The following GMDS variants were observed in gnomAD, a reference collection of about 807,000 sequenced individuals.
The protein encoded by GMDS is GDP-mannose 4,6 dehydratase.
GMDS carries 20 observed loss-of-function variants against 49.9 expected under a neutral mutation model. The ratio of observed to expected loss-of-function variants is 0.40; its 90% CI spans 0.28 to 0.58. The LOEUF (loss-of-function observed/expected upper bound fraction) is 0.58. Ranked by LOEUF, GMDS falls within the 20% of genes least tolerant of loss-of-function variation. The pLI, the probability that GMDS is intolerant of heterozygous loss-of-function variation, is 0.42. For missense variants in GMDS, 362 were observed against 481.4 expected (o/e 0.75, Z 2.32); for synonymous variants, 177 against 178.6 (o/e 0.99, Z 0.07).
chr6:1,802,274 G>A (rs923417710), intron 7 of GMDS, among the ~76,000 whole-genome samples: 1 of 152,080 alleles, frequency 6.6e-6, no homozygotes, highest in African/African-American at 2.4e-5. Context: ...AGTTAGTCTG[G>A]GATCTTGCCT....
At chr6:2,189,767 T>C (rs1263200156) in intron 1 of GMDS, among the ~76,000 whole-genome samples, 1 of 152,212 alleles carries the variant, frequency 6.6e-6, no homozygotes, top group Admixed American at 6.5e-5. Flanking sequence ...TTCTACCCGT[T>C]CTGGGGAATG....
intron 4 of GMDS, among the ~76,000 whole-genome samples, chr6:2,037,434 C>T (rs1769368606): frequency 6.6e-6 from 1 of 152,170 alleles, no homozygotes; most frequent in South Asian, 2.1e-4. Flanking sequence ...GGGTCCTGCT[C>T]ATTCTGGACT....
In GMDS at chr6:2,115,831, C is replaced by A; in HGVS notation, c.285G>T (p.Lys95Asn). The stretch of plus-strand genomic sequence containing the variant: ...CTGTGGGCTTTACTTCATTAATGAT[C>A]TTCACAAGGCAGGTACTGTCAGTGA... Reference protein sequence around the residue: ...GDLTDSTCLVKIINEVKPTEI... With the variant: ...GDLTDSTCLVNIINEVKPTEI... Residue 95 changes from lysine to asparagine, a missense_variant, in exon 4 of 11, where the codon AAG (lysine) becomes AAT (asparagine). Transcript: ENST00000380815. 6.2e-7 allele frequency: 1 copy of A among 1,610,912 alleles called. No individual in the cohort carries two copies. The highest frequency in any genetic ancestry group is 1.7e-5 in the Admixed American group (1 of 60,016).
intron 9 of GMDS, among the ~76,000 whole-genome samples, chr6:1,659,851 A>G (rs1764010888): frequency 6.8e-6 from 1 of 146,784 alleles, no homozygotes; most frequent in Non-Finnish European, 1.5e-5. Context: ...TAATTGTTAC[A>G]TAATATCCAT....
At chr6:1,813,624 G>A (rs1056823494) in intron 7 of GMDS, among the ~76,000 whole-genome samples, 1 of 152,098 alleles carries the variant, frequency 6.6e-6, no homozygotes, top group Non-Finnish European at 1.5e-5. Context: ...AGCTCCAGAG[G>A]TTTAAATAAG....
intron 4 of GMDS, among the ~76,000 whole-genome samples, chr6:1,990,284 A>C (rs1280189749): frequency 6.6e-6 from 1 of 152,190 alleles, no homozygotes; most frequent in East Asian, 1.9e-4. Flanking sequence ...AGACAGAGCG[A>C]GACTGTCTCA....
chr6:2,014,386 A>G (rs1767768526), intron 4 of GMDS, among the ~76,000 whole-genome samples: 1 of 152,110 alleles, frequency 6.6e-6, no homozygotes, highest in Non-Finnish European at 1.5e-5. Flanking sequence ...GGGTGATTAT[A>G]GTATATGGAT....
chr6:2,065,609 A>G (rs1157983939), intron 4 of GMDS, among the ~76,000 whole-genome samples: 1 of 152,210 alleles, frequency 6.6e-6, no homozygotes, highest in Non-Finnish European at 1.5e-5. Flanking sequence ...AAGGCTCGAG[A>G]ACTACGTGAA....
chr6:2,039,330 T>C (rs1769507767), intron 4 of GMDS, among the ~76,000 whole-genome samples: 1 of 152,188 alleles, frequency 6.6e-6, no homozygotes, highest in Non-Finnish European at 1.5e-5. Flanking sequence ...TCCACACTAA[T>C]ATGGACTTCA....
chr6:1,668,005 C>G (rs933014701), intron 9 of GMDS, among the ~76,000 whole-genome samples: 16 of 152,142 alleles, frequency 1.1e-4, no homozygotes, highest in African/African-American at 3.9e-4. Context: ...GGCCTATGCA[C>G]AAGTCCCAGG....
chr6:2,127,407 T>TA (rs1775508174), intron 1 of GMDS, among the ~76,000 whole-genome samples: 1 of 97,046 alleles, frequency 1.0e-5, no homozygotes, highest in Non-Finnish European at 2.4e-5. Context: ...CATTAAATGT[T>TA]TAAAAAAAAA....
At chr6:1,699,420 A>G (rs1479474231) in intron 9 of GMDS, among the ~76,000 whole-genome samples, 1 of 152,002 alleles carries the variant, frequency 6.6e-6, no homozygotes, top group Non-Finnish European at 1.5e-5. Context: ...GAGAGGCTGG[A>G]GCCAGTCCAG....
chr6:1,800,001 C>T (rs1769886983), intron 7 of GMDS, among the ~76,000 whole-genome samples: 2 of 152,086 alleles, frequency 1.3e-5, no homozygotes, highest in African/African-American at 4.8e-5. Flanking sequence ...CAGCTAGCTG[C>T]AATGGTCTCA....
chr6:2,221,466 C>T (rs539401585), intron 1 of GMDS, among the ~76,000 whole-genome samples: 8 of 152,220 alleles, frequency 5.3e-5, no homozygotes, highest in Middle Eastern at 3.4e-3. Context: ...CTGCAAGCTC[C>T]GCCTCCCGGC....
intron 4 of GMDS, among the ~76,000 whole-genome samples, chr6:2,031,221 T>C (rs770957688): frequency 4.6e-5 from 7 of 152,234 alleles, no homozygotes; most frequent in Non-Finnish European, 7.3e-5. Flanking sequence ...GAGAGCTCTT[T>C]TCCCTTTCAG....
At chr6:1,631,058 A>G (rs947939481) in intron 9 of GMDS, among the ~76,000 whole-genome samples, 1 of 152,214 alleles carries the variant, frequency 6.6e-6, no homozygotes, top group African/African-American at 2.4e-5. Context: ...AGGAGGTGGC[A>G]AAACCCCGAG....
intron 4 of GMDS, among the ~76,000 whole-genome samples, chr6:2,003,136 A>C (rs1766934781): frequency 6.6e-6 from 1 of 152,140 alleles, no homozygotes; most frequent in Non-Finnish European, 1.5e-5. Flanking sequence ...AGTGAAAATC[A>C]GATTCCATAT....
At position 1,902,148 on chromosome 6, in the gene GMDS, G is replaced by A. The variant is rs573763428; in HGVS notation, c.771+27955C>T. Among the ~76,000 whole-genome samples the A allele has an allele frequency of 2.6e-5, 4 of 152,328 alleles. No homozygotes were observed. The South Asian group carries it at 8.3e-4, about 32-fold the overall frequency. Reference sequence around the variant, plus strand: ...TGCACATTGAGAATTAAGTATGCAAGAGTATTTAAAATCGGCAATGGGGCA... The same window carrying A: ...TGCACATTGAGAATTAAGTATGCAAAAGTATTTAAAATCGGCAATGGGGCA... On this transcript the variant is annotated intron_variant, in intron 7 of 10. Coordinates refer to ENST00000380815, the MANE Select transcript of GMDS (RefSeq NM_001500.4).
At chr6:1,708,483 G>T (rs541789709) in intron 9 of GMDS, among the ~76,000 whole-genome samples, 1 of 152,356 alleles carries the variant, frequency 6.6e-6, no homozygotes, top group East Asian at 1.9e-4. Context: ...ACTGCCCGGG[G>T]CTAAGTCAGT....
Sources: allele counts gnomAD v4.1 joint callset (sites outside exome capture counted in the v4.1 genomes callset), GRCh38; gene constraint gnomAD v4.1.1; transcripts MANE v1.5; gene names NCBI Gene and HGNC (gene_info 2026-07-23, HGNC 2026-07-21).